The following DCAF1 variants were observed in gnomAD, a reference collection of about 807,000 sequenced individuals.
The protein encoded by DCAF1 is DDB1 and CUL4 associated factor 1.
In DCAF1, 15 loss-of-function variants were observed where a neutral mutation model predicts 128.0. That is an observed-to-expected ratio of 0.12 (90% CI 0.08 to 0.18). The LOEUF (loss-of-function observed/expected upper bound fraction) is 0.18. Ranked by LOEUF, DCAF1 falls within the 10% of genes least tolerant of loss-of-function variation. The pLI is 1.00. For synonymous variants in DCAF1, 610 were observed against 603.0 expected (o/e 1.01, Z -0.17); for missense variants, 988 against 1,649.5 (o/e 0.60, Z 6.95).
At chr3:51,471,513 T>C (rs967639346) in intron 3 of DCAF1, among the ~76,000 whole-genome samples, 6 of 151,862 alleles carry the variant, frequency 4.0e-5, no homozygotes, top group African/African-American at 1.5e-4. Flanking sequence ...AACTTTCCCT[T>C]CTTCAAAAAA....
intron 2 of DCAF1, among the ~76,000 whole-genome samples, chr3:51,496,036 A>G (rs1183204173): frequency 6.6e-6 from 1 of 152,052 alleles, no homozygotes; most frequent in Non-Finnish European, 1.5e-5. Context: ...TCACACCTGT[A>G]ATCTCAGCAC....
chr3:51,446,516 C>T (rs79050925), intron 6 of DCAF1, among the ~76,000 whole-genome samples: 9 of 151,812 alleles, frequency 5.9e-5, no homozygotes, highest in Non-Finnish European at 7.4e-5. Flanking sequence ...CTATAGTTCA[C>T]GCTACTTGGG....
chr3:51,451,069 C>T (rs377581653), intron 6 of DCAF1, among the ~76,000 whole-genome samples: 850 of 26,462 alleles, frequency 0.032, 13 homozygotes, highest in South Asian at 0.057. Flanking sequence ...AAAGGAAATT[C>T]TTTTTTTTTT....
chr3:51,424,180 TC>T (rs1320846478), intron 13 of DCAF1, among the ~76,000 whole-genome samples: 3 of 151,892 alleles, frequency 2.0e-5, no homozygotes, highest in Admixed American at 6.6e-5. Context: ...GGCAGGTGGA[TC>T]ACGAGGTCAG....
At position 51,413,391 on chromosome 3, in the gene DCAF1, AG is replaced by A. The variant is rs1698599839; in HGVS notation, c.3932-6del. 1 of 1,611,072 alleles carries A rather than the reference AG, an allele frequency of 6.2e-7. No homozygotes were observed. Among genetic ancestry groups the A allele is most frequent in the Non-Finnish European group, 8.5e-7 (1 of 1,178,504 alleles). On this transcript the variant is annotated splice_polypyrimidine_tract_variant and splice_region_variant and intron_variant, in intron 20 of 24. Coordinates refer to ENST00000684031, the MANE Select transcript of DCAF1 (RefSeq NM_001387579.1). ...CATCATCTGCCTGCAACATAGCTTG[AG>A]GGGGAGTGGGGGAGGAAACACTATT... is the stretch of plus-strand genomic sequence containing the variant.
chr3:51,403,261 A>G lies in DCAF1; in HGVS notation c.4347T>C (p.Asp1449=). The G allele has an allele frequency of 1.2e-6, 2 of 1,612,964 alleles. No homozygotes were observed. The highest frequency in any genetic ancestry group is 1.7e-4 in the Middle Eastern group (1 of 6,060). ...EDDNNENAGE[D]GDNDFSPSDE... ...CAGAGGGAGAGAAGTCATTGTCCCC[A>G]TCTTCCCCTGCGTTCTCATTATTGT... is the stretch of plus-strand genomic sequence containing the variant. Residue 1449 remains aspartate (D), a synonymous_variant, in exon 24 of 25, where the codon GAT becomes GAC. Coordinates refer to ENST00000684031, the MANE Select transcript of DCAF1 (RefSeq NM_001387579.1).
intron 24 of DCAF1, among the ~76,000 whole-genome samples, chr3:51,402,566 ATTTTTTTTTT>A (rs540396047): frequency 2.4e-4 from 20 of 84,984 alleles, no homozygotes; most frequent in East Asian, 4.4e-4. Context: ...CCTACAAAGC[ATTTTTTTTTT>A]TTTTTTTTTT....
intron 3 of DCAF1, among the ~76,000 whole-genome samples, chr3:51,477,888 C>T (rs946128882): frequency 4.6e-5 from 7 of 152,078 alleles, no homozygotes; most frequent in African/African-American, 7.2e-5. Context: ...TACAAACCTT[C>T]CCATTCCAGT....
At chr3:51,414,172 G>A in intron 19 of DCAF1, 129 bp from the exon 20 acceptor site, 2 of 1,267,470 alleles carry the variant, frequency 1.6e-6, no homozygotes, top group Non-Finnish European at 1.0e-6. Context: ...TGAGATCAAG[G>A]TAAAACAAAT....
chr3:51,485,548 C>T (rs1553655013), intron 2 of DCAF1, among the ~76,000 whole-genome samples: 1 of 152,172 alleles, frequency 6.6e-6, no homozygotes, highest in Non-Finnish European at 1.5e-5. Context: ...TAAAAGTAGC[C>T]TTAAAATCAA....
chr3:51,412,535 C>T, intron 22 of DCAF1, 55 bp from the exon 23 acceptor site: 2 of 1,609,606 alleles, frequency 1.2e-6, no homozygotes, highest in Non-Finnish European at 1.7e-6. Flanking sequence ...AGGTCCACAT[C>T]CACGCCTCAG....
intron 24 of DCAF1, among the ~76,000 whole-genome samples, chr3:51,402,902 GA>G (rs1345545304): frequency 1.3e-5 from 2 of 152,142 alleles, no homozygotes; most frequent in Admixed American, 1.3e-4. Context: ...TGATCTTACA[GA>G]AAAAGTCTGC....
chr3:51,422,540 A>G, intron 13 of DCAF1, 109 bp from the exon 14 acceptor site: 1 of 661,114 alleles, frequency 1.5e-6, no homozygotes. Context: ...AGAGACAATA[A>G]ATCAGAAGCA....
intron 17 of DCAF1, among the ~76,000 whole-genome samples, chr3:51,417,825 G>C (rs1044848279): frequency 2.0e-5 from 3 of 151,822 alleles, no homozygotes; most frequent in Non-Finnish European, 4.4e-5. Context: ...GGGGAGAGGA[G>C]AGGAGAGGAG....
intron 3 of DCAF1, among the ~76,000 whole-genome samples, chr3:51,473,314 C>T (rs1230213216): frequency 6.6e-6 from 1 of 150,382 alleles, no homozygotes; most frequent in Non-Finnish European, 1.5e-5. Flanking sequence ...AAGACTGACA[C>T]TCTATAATAA....
chr3:51,489,543 C>T (rs558913977), intron 2 of DCAF1, among the ~76,000 whole-genome samples: 13 of 152,004 alleles, frequency 8.6e-5, no homozygotes, highest in Non-Finnish European at 1.6e-4. Context: ...AATTTCAGAA[C>T]TTTGGGAGGC....
intron 4 of DCAF1, among the ~76,000 whole-genome samples, chr3:51,469,221 AT>A (rs781851604): frequency 0.013 from 1,526 of 116,700 alleles, 10 homozygotes; most frequent in African/African-American, 0.036. Context: ...CCACACACAA[AT>A]TTTTTTTTTT....
chr3:51,413,121 C>T, intron 21 of DCAF1, 55 bp from the exon 22 acceptor site: 2 of 1,605,404 alleles, frequency 1.2e-6, no homozygotes, highest in Non-Finnish European at 1.7e-6. Flanking sequence ...GACCCTAAAA[C>T]CTGCTTTTCC....
chr3:51,500,262 G>A (rs1342191953), upstream of DCAF1, among the ~76,000 whole-genome samples: 1 of 151,302 alleles, frequency 6.6e-6, no homozygotes, highest in Non-Finnish European at 1.5e-5. Flanking sequence ...TTCTGGATTT[G>A]TAGTTTTTTT....
Sources: gnomAD v4.1 joint callset for allele counts (sites outside exome capture counted in the v4.1 genomes callset) on GRCh38, gnomAD v4.1.1 for gene constraint, MANE v1.5 for transcripts, NCBI Gene and HGNC (gene_info 2026-07-23, HGNC 2026-07-21) for gene names.